DSCAM: variants seen among roughly 807,000 people sequenced by gnomAD.
DSCAM encodes DS cell adhesion molecule.
DSCAM carries 47 observed loss-of-function variants against 217.7 expected under a neutral mutation model. The ratio of observed to expected loss-of-function variants is 0.22; its 90% CI spans 0.17 to 0.28. The LOEUF (loss-of-function observed/expected upper bound fraction) is 0.28. DSCAM is among the 10% of genes least tolerant of loss of function. DSCAM has a pLI of 1.00. For missense variants in DSCAM, 2,080 were observed against 2,618.3 expected, an observed-to-expected ratio of 0.79 and a Z score of 4.49; for synonymous variants, 1,056 against 1,015.3, an observed-to-expected ratio of 1.04 and a Z score of -0.76.
chr21:40,764,148 T>C (rs1385264651), intron 1 of DSCAM, among the ~76,000 whole-genome samples: 1 of 151,772 alleles, frequency 6.6e-6, no homozygotes, highest in Non-Finnish European at 1.5e-5. Context: ...ATTATCAGAG[T>C]GAACAGGCAA....
chr21:40,416,911 T>C (rs2075377206), intron 3 of DSCAM, among the ~76,000 whole-genome samples: 1 of 152,146 alleles, frequency 6.6e-6, no homozygotes, highest in Non-Finnish European at 1.5e-5. Flanking sequence ...AAATGCTTTA[T>C]AATTTCAAAA....
chr21:40,193,120 C>G (rs58472196), intron 11 of DSCAM, among the ~76,000 whole-genome samples: 2,522 of 152,260 alleles, frequency 0.017, 97 homozygotes, highest in African/African-American at 0.057. Context: ...AGAACATTCC[C>G]TTTCAACCAT....
At chr21:40,104,325 T>C (rs1240005918) in intron 20 of DSCAM, among the ~76,000 whole-genome samples, 1 of 152,148 alleles carries the variant, frequency 6.6e-6, no homozygotes, top group Non-Finnish European at 1.5e-5. Context: ...AAATAATATA[T>C]GCAGAATTTA....
intron 20 of DSCAM, 119 bp from the exon 21 acceptor site, chr21:40,093,993 C>T (rs1344466774): frequency 4.8e-6 from 5 of 1,039,916 alleles, no homozygotes; most frequent in South Asian, 1.8e-5. Context: ...ACTCACTCTC[C>T]TCTAAAAGGC....
intron 3 of DSCAM, among the ~76,000 whole-genome samples, chr21:40,546,611 G>C (rs2076584925): frequency 6.6e-6 from 1 of 152,160 alleles, no homozygotes; most frequent in Non-Finnish European, 1.5e-5. Flanking sequence ...TTCCTCCCTA[G>C]TCCATGCATG....
chr21:40,752,970 A>C (rs1429517763), intron 1 of DSCAM, among the ~76,000 whole-genome samples: 1 of 152,218 alleles, frequency 6.6e-6, no homozygotes, highest in Non-Finnish European at 1.5e-5. Context: ...ATATGGACTT[A>C]CATGGCTAAC....
At chr21:40,581,573 G>A (rs1476296718) in intron 3 of DSCAM, among the ~76,000 whole-genome samples, 1 of 152,168 alleles carries the variant, frequency 6.6e-6, no homozygotes, top group Non-Finnish European at 1.5e-5. Flanking sequence ...GAGGAGGGGA[G>A]TGGGGATGGG....
intron 11 of DSCAM, among the ~76,000 whole-genome samples, chr21:40,211,760 T>C (rs569214999): frequency 6.6e-6 from 1 of 152,208 alleles, no homozygotes; most frequent in Admixed American, 6.5e-5. Flanking sequence ...AGAAGTGTTA[T>C]CACACTTTCC....
At chr21:40,605,963 G>A (rs2089231951) in intron 3 of DSCAM, among the ~76,000 whole-genome samples, 1 of 151,734 alleles carries the variant, frequency 6.6e-6, no homozygotes, top group Non-Finnish European at 1.5e-5. Flanking sequence ...ACCACGCCCA[G>A]CTAATTTTTG....
chr21:40,290,522 G>A (rs1420961888), intron 10 of DSCAM, among the ~76,000 whole-genome samples: 1 of 152,192 alleles, frequency 6.6e-6, no homozygotes, highest in Non-Finnish European at 1.5e-5. Context: ...TTGGGAGGCT[G>A]AGGCAGAAGA....
At chr21:40,690,905 A>G (rs1443372212) in intron 3 of DSCAM, among the ~76,000 whole-genome samples, 2 of 152,166 alleles carry the variant, frequency 1.3e-5, no homozygotes, top group African/African-American at 4.8e-5. Context: ...CACATAGAGA[A>G]GAACAACACA....
At chr21:40,051,926 C>A in intron 30 of DSCAM, 32 bp downstream of exon 30, 1 of 1,590,546 alleles carries the variant, frequency 6.3e-7, no homozygotes. Flanking sequence ...ATTGTTAACA[C>A]CCACACATTT....
intron 3 of DSCAM, among the ~76,000 whole-genome samples, chr21:40,430,016 G>T (rs1275155986): frequency 6.6e-6 from 1 of 152,134 alleles, no homozygotes; most frequent in African/African-American, 2.4e-5. Context: ...AAATACAAAT[G>T]AACAAAAAAT....
At chr21:40,633,093 G>A (rs1442024572) in intron 3 of DSCAM, among the ~76,000 whole-genome samples, 1 of 152,042 alleles carries the variant, frequency 6.6e-6, no homozygotes, top group Admixed American at 6.6e-5. Context: ...CCCCCTTTAG[G>A]TTGTTTACTG....
At chr21:40,153,588 G>A (rs184739308) in intron 16 of DSCAM, among the ~76,000 whole-genome samples, 13 of 152,280 alleles carry the variant, frequency 8.5e-5, no homozygotes, top group South Asian at 6.2e-4. Flanking sequence ...ACATATCTAC[G>A]GGACAGAACC....
At position 40,295,942 on chromosome 21, in the gene DSCAM, G is replaced by C. The variant is rs2073949148; in HGVS notation, c.2182+113C>G. ...GAGAATGATAGGCTTGGTGGAAACA[G>C]AGATACGTATCTACTTGCAAGAAAC... On this transcript the variant is annotated intron_variant, in intron 10 of 32. Coordinates refer to ENST00000400454, the MANE Select transcript of DSCAM (RefSeq NM_001389.5). 3 of 1,302,634 alleles carry C rather than the reference G, an allele frequency of 2.3e-6. No homozygotes were observed. In the South Asian group the frequency reaches 4.6e-5, roughly 20 times the overall value. The allele number at this position is 1,302,634 out of a possible 1,614,324, so 80.7% of individuals were successfully genotyped here.
At chr21:40,596,691 G>A (rs763200764) in intron 3 of DSCAM, among the ~76,000 whole-genome samples, 1 of 152,030 alleles carries the variant, frequency 6.6e-6, no homozygotes, top group Non-Finnish European at 1.5e-5. Context: ...TGACCATACT[G>A]GGTGATACGA....
chr21:40,118,286 C>T (rs1468455463), intron 20 of DSCAM, among the ~76,000 whole-genome samples: 1 of 152,136 alleles, frequency 6.6e-6, no homozygotes, highest in Non-Finnish European at 1.5e-5. Flanking sequence ...AGGGGAGGAC[C>T]TGAAGCAAGG....
intron 1 of DSCAM, among the ~76,000 whole-genome samples, chr21:40,820,109 G>T (rs749725513): frequency 6.6e-5 from 10 of 151,948 alleles, no homozygotes; most frequent in Non-Finnish European, 1.5e-4. Flanking sequence ...CCCATTACGG[G>T]GTATATACCC....
Sources: gnomAD v4.1 joint callset for allele counts (sites outside exome capture counted in the v4.1 genomes callset) on GRCh38, gnomAD v4.1.1 for gene constraint, MANE v1.5 for transcripts, NCBI Gene and HGNC (gene_info 2026-07-23, HGNC 2026-07-21) for gene names.